Variants in ASIC2 observed in about 807,000 individuals in gnomAD.
ASIC2 encodes the protein acid sensing ion channel subunit 2, also known as acid-sensing ion channel 2.
In ASIC2, 25 loss-of-function variants were observed where a neutral mutation model predicts 57.3. The ratio of observed to expected loss-of-function variants is 0.44; its 90% CI spans 0.32 to 0.61. The LOEUF (loss-of-function observed/expected upper bound fraction) is 0.61. ASIC2 is among the 20% of genes least tolerant of loss of function. The probability of loss-of-function intolerance (pLI) is 0.06; values close to 1 mark genes in which losing one functional copy is unlikely to be tolerated. For missense variants in ASIC2, 641 were observed against 738.1 expected, an observed-to-expected ratio of 0.87 and a Z score of 1.52; for synonymous variants, 319 against 307.5, an observed-to-expected ratio of 1.04 and a Z score of -0.39.
At chr17:33,773,148 T>C (rs1911166840) in intron 1 of ASIC2, among the ~76,000 whole-genome samples, 1 of 152,202 alleles carries the variant, frequency 6.6e-6, no homozygotes, top group African/African-American at 2.4e-5. Flanking sequence ...TAAAACTTTG[T>C]GTCTAGTAAG....
At chr17:34,081,119 C>T (rs1192462157) in intron 1 of ASIC2, 1 of 152,108 alleles carries the variant, frequency 6.6e-6, no homozygotes, top group African/African-American at 2.4e-5. Flanking sequence ...TAAGTGAGCT[C>T]CAGGGGCCAA....
chr17:33,782,018 A>ATTC (rs1911470003), intron 1 of ASIC2, among the ~76,000 whole-genome samples: 1 of 152,078 alleles, frequency 6.6e-6, no homozygotes, highest in Admixed American at 6.6e-5. Flanking sequence ...CTTGCAATGC[A>ATTC]TTCTCCCACA....
At chr17:33,527,758 A>G (rs1914927655) in intron 1 of ASIC2, among the ~76,000 whole-genome samples, 2 of 152,168 alleles carry the variant, frequency 1.3e-5, no homozygotes, top group East Asian at 1.9e-4. Context: ...TAATCAGGGT[A>G]CAGAGAGGCT....
chr17:33,414,649 G>C (rs1910776669), intron 1 of ASIC2, among the ~76,000 whole-genome samples: 1 of 152,182 alleles, frequency 6.6e-6, no homozygotes, highest in Non-Finnish European at 1.5e-5. Flanking sequence ...GTGCTCCAGG[G>C]TTTTCCAGGA....
At chr17:33,068,274 T>C (rs223036) in intron 3 of ASIC2, among the ~76,000 whole-genome samples, 66,918 of 152,036 alleles carry the variant, frequency 0.44, 15,147 homozygotes, top group East Asian at 0.65. Flanking sequence ...TTGGTCACTG[T>C]AGAGGCAACA....
intron 1 of ASIC2, among the ~76,000 whole-genome samples, chr17:33,172,500 C>A (rs1286984709): frequency 1.3e-5 from 2 of 152,200 alleles, no homozygotes; most frequent in Non-Finnish European, 2.9e-5. Context: ...CTTAGCCCCA[C>A]ATGCCTGTCC....
intron 2 of ASIC2, among the ~76,000 whole-genome samples, chr17:33,110,803 C>T (rs1166672602): frequency 1.3e-5 from 2 of 152,256 alleles, no homozygotes; most frequent in African/African-American, 2.4e-5. Context: ...GGCTGGGCTA[C>T]TGGGGCTCCA....
intron 1 of ASIC2, among the ~76,000 whole-genome samples, chr17:34,100,664 G>C (rs1178152293): frequency 1.3e-5 from 2 of 152,130 alleles, no homozygotes; most frequent in African/African-American, 2.4e-5. Flanking sequence ...CCCTGAGAGG[G>C]CTGAGGGCTC....
In ASIC2 at chr17:33,719,081, A is replaced by T. The variant is rs192348651; in HGVS notation, c.555+436897T>A. Among the ~76,000 whole-genome samples, 3 of 152,222 alleles carry T rather than the reference A, an allele frequency of 2.0e-5. No individual in the cohort carries two copies. In the East Asian group the frequency reaches 5.8e-4, roughly 30 times the overall value. On this transcript the variant is annotated intron_variant, in intron 1 of 9. Coordinates refer to the ASIC2 transcript ENST00000359872. ...GCCCGGGGGATAGGCTGAGTCCACC[A>T]ATGGGAACCTGCTACACAGGGTGGG...
intron 1 of ASIC2, among the ~76,000 whole-genome samples, chr17:33,140,888 A>G (rs1010258008): frequency 1.3e-5 from 2 of 152,232 alleles, no homozygotes; most frequent in African/African-American, 4.8e-5. Flanking sequence ...GGCACATTCC[A>G]TCCGGGCCAC....
intron 1 of ASIC2, among the ~76,000 whole-genome samples, chr17:33,200,001 A>T (rs1200528513): frequency 1.3e-5 from 2 of 151,926 alleles, no homozygotes; most frequent in Non-Finnish European, 2.9e-5. Flanking sequence ...TTCCAGTCCC[A>T]TGCTCTGTCC....
chr17:34,118,122 GC>G (rs1260024832), intron 1 of ASIC2, among the ~76,000 whole-genome samples: 2 of 152,128 alleles, frequency 1.3e-5, no homozygotes, highest in Non-Finnish European at 2.9e-5. Flanking sequence ...GGATCAGGCA[GC>G]CATGGGTTTA....
At chr17:34,127,911 G>C (rs1911836105) in intron 1 of ASIC2, among the ~76,000 whole-genome samples, 1 of 152,182 alleles carries the variant, frequency 6.6e-6, no homozygotes. Context: ...GGGCAAAGGA[G>C]ACTGGGCCTG....
intron 1 of ASIC2, among the ~76,000 whole-genome samples, chr17:33,737,220 TTG>T (rs1239439298): frequency 6.6e-6 from 1 of 152,276 alleles, no homozygotes; most frequent in Non-Finnish European, 1.5e-5. Flanking sequence ...ATCAGTAGGA[TTG>T]CTGATCAAAA....
intron 1 of ASIC2, among the ~76,000 whole-genome samples, chr17:33,638,124 TATCTACAGGAGTA>T (rs1462659052): frequency 2.0e-5 from 3 of 152,228 alleles, no homozygotes; most frequent in Non-Finnish European, 4.4e-5. Flanking sequence ...ATAATGATGT[TATCTACAGGAGTA>T]ATTGGAGAAG....
chr17:33,413,170 A>G (rs1401607590), intron 1 of ASIC2, among the ~76,000 whole-genome samples: 1 of 152,162 alleles, frequency 6.6e-6, no homozygotes, highest in Non-Finnish European at 1.5e-5. Context: ...GAAGTGTGAC[A>G]CAGCCCCCAA....
At chr17:33,606,375 G>T (rs903857548) in intron 1 of ASIC2, among the ~76,000 whole-genome samples, 1 of 152,182 alleles carries the variant, frequency 6.6e-6, no homozygotes, top group Non-Finnish European at 1.5e-5. Context: ...GGTTTAGAGA[G>T]CATCCAAATC....
intron 1 of ASIC2, among the ~76,000 whole-genome samples, chr17:34,098,711 T>C (rs1464004107): frequency 6.6e-6 from 1 of 151,774 alleles, no homozygotes; most frequent in Non-Finnish European, 1.5e-5. Flanking sequence ...TTAGCATCAT[T>C]AGGGTGAGAC....
At chr17:33,823,380 G>A (rs569803149) in intron 1 of ASIC2, among the ~76,000 whole-genome samples, 2 of 152,294 alleles carry the variant, frequency 1.3e-5, no homozygotes, top group Admixed American at 6.5e-5. Flanking sequence ...AACGCATAAA[G>A]TCAAGATAAG....
Sources: gnomAD v4.1 joint callset for allele counts (sites outside exome capture counted in the v4.1 genomes callset) on GRCh38, gnomAD v4.1.1 for gene constraint, MANE v1.5 for transcripts, NCBI Gene and HGNC (gene_info 2026-07-23, HGNC 2026-07-21) for gene names.